The following CACNB2 variants were observed in gnomAD, a reference collection of about 807,000 sequenced individuals.
CACNB2 encodes voltage-dependent L-type calcium channel subunit beta-2.
CACNB2 carries 42 observed loss-of-function variants against 73.3 expected under a neutral mutation model. The observed-to-expected ratio is 0.57, with a 90% CI of 0.45 to 0.74. The LOEUF (loss-of-function observed/expected upper bound fraction) is 0.74. CACNB2 is among the 30% of genes least tolerant of loss of function. The pLI is 0.00. For synonymous variants in CACNB2, 348 were observed against 310.3 expected, an observed-to-expected ratio of 1.12 and a Z score of -1.28; for missense variants, 940 against 853.0, an observed-to-expected ratio of 1.10 and a Z score of -1.27.
chr10:18,417,014 A>C (rs1237628624), intron 3 of CACNB2, among the ~76,000 whole-genome samples: 2 of 150,900 alleles, frequency 1.3e-5, no homozygotes, highest in African/African-American at 2.4e-5. Context: ...ACACAGGCTT[A>C]TGAAAGCAGA....
At chr10:18,243,610 C>A (rs1260960979) in intron 2 of CACNB2, among the ~76,000 whole-genome samples, 2 of 152,138 alleles carry the variant, frequency 1.3e-5, no homozygotes, top group East Asian at 3.9e-4. Flanking sequence ...AGATTAATGC[C>A]CTTCCTCGGG....
chr10:18,424,841 G>A (rs1343376195), intron 3 of CACNB2, among the ~76,000 whole-genome samples: 2 of 152,116 alleles, frequency 1.3e-5, no homozygotes, highest in Admixed American at 6.5e-5. Context: ...CTTCCAGTAG[G>A]GGATGTGGCA....
intron 3 of CACNB2, among the ~76,000 whole-genome samples, chr10:18,469,068 C>A (rs908279798): frequency 2.6e-5 from 4 of 152,032 alleles, no homozygotes; most frequent in Admixed American, 6.6e-5. Context: ...GGCAACAAAG[C>A]GAGACCCTGT....
At chr10:18,491,915 T>C (rs1405089227) in intron 3 of CACNB2, among the ~76,000 whole-genome samples, 1 of 150,134 alleles carries the variant, frequency 6.7e-6, no homozygotes, top group African/African-American at 2.4e-5. Flanking sequence ...CATTCTTGCA[T>C]TGTTACACTG....
chr10:18,184,274 G>A (rs1262010713), intron 2 of CACNB2, among the ~76,000 whole-genome samples: 3 of 152,110 alleles, frequency 2.0e-5, no homozygotes, highest in Non-Finnish European at 4.4e-5. Context: ...CTATTTCTGA[G>A]GCATCATGGT....
chr10:18,307,334 C>T (rs1193340979), intron 2 of CACNB2, among the ~76,000 whole-genome samples: 7 of 152,088 alleles, frequency 4.6e-5, no homozygotes, highest in African/African-American at 1.2e-4. Context: ...TGGTGGCACA[C>T]GCCTGTAGTC....
intron 3 of CACNB2, among the ~76,000 whole-genome samples, chr10:18,448,476 A>AT (rs34658466): frequency 0.22 from 13,307 of 60,154 alleles, 816 homozygotes; most frequent in Admixed American, 0.33. Context: ...ACTCTCTCTC[A>AT]TTTAAAAAAA....
intron 2 of CACNB2, among the ~76,000 whole-genome samples, chr10:18,375,622 G>T (rs2042766819): frequency 6.6e-6 from 1 of 152,124 alleles, no homozygotes. Flanking sequence ...ATTTTTCTAG[G>T]ACCCTTATTG....
At chr10:18,389,025 A>G (rs1397120669) in intron 2 of CACNB2, among the ~76,000 whole-genome samples, 4 of 152,254 alleles carry the variant, frequency 2.6e-5, no homozygotes, top group Non-Finnish European at 5.9e-5. Context: ...GAGAAATTTC[A>G]ATTGCAATAG....
In CACNB2 at chr10:18,543,317, G is replaced by A. The variant is rs533117516; in HGVS notation, c.*3593G>A. ...TGATTAAAAAAAAAGATACCTCCAC[G>A]TAGATAAAATATTTTATTCAACGTG... On this transcript the variant is annotated 3_prime_UTR_variant, in exon 14 of 14. Coordinates refer to ENST00000324631, the MANE Select transcript of CACNB2 (RefSeq NM_201596.3). 6.6e-6 allele frequency: 1 copy of A among 151,864 alleles called. No individual in the cohort carries two copies. The highest frequency in any genetic ancestry group is 2.4e-5 in the African/African-American group (1 of 41,338). The allele number at this position is 151,864 out of a possible 1,614,324, so 9.4% of individuals were successfully genotyped here. A position where few individuals can be genotyped will look rare whatever the true frequency, so the allele number is the denominator to read the frequency against.
At chr10:18,173,873 T>A (rs1007638421) in intron 2 of CACNB2, among the ~76,000 whole-genome samples, 1 of 152,216 alleles carries the variant, frequency 6.6e-6, no homozygotes, top group Admixed American at 6.5e-5. Flanking sequence ...ATTTTACGTT[T>A]CTATAAAAGT....
chr10:18,392,898 T>C (rs941018890), intron 2 of CACNB2, among the ~76,000 whole-genome samples: 13 of 152,128 alleles, frequency 8.5e-5, no homozygotes, highest in Non-Finnish European at 1.2e-4. Flanking sequence ...TATAAAAAAT[T>C]ATATTAGCAT....
At chr10:18,171,599 A>C (rs1341290318) in intron 2 of CACNB2, among the ~76,000 whole-genome samples, 2 of 149,680 alleles carry the variant, frequency 1.3e-5, no homozygotes, top group Non-Finnish European at 3.0e-5. Flanking sequence ...AAAAAAAAAA[A>C]AAAAGGAAGG....
chr10:18,524,448 G>A (rs1476402470), intron 9 of CACNB2, among the ~76,000 whole-genome samples: 1 of 151,074 alleles, frequency 6.6e-6, no homozygotes, highest in African/African-American at 2.4e-5. Flanking sequence ...TTGAGGCCAG[G>A]AGTTTGAGAC....
At chr10:18,382,809 T>C (rs1273505269) in intron 2 of CACNB2, among the ~76,000 whole-genome samples, 3 of 152,208 alleles carry the variant, frequency 2.0e-5, no homozygotes, top group Non-Finnish European at 2.9e-5. Context: ...TTTGGGTTGA[T>C]TCCATGTCTC....
chr10:18,527,683 C>A lies in CACNB2; in HGVS notation c.1040C>A (p.Thr347Lys). Residue 347 changes from threonine to lysine, a missense_variant, in exon 10 of 14, where the codon ACA becomes AAA. By Grantham distance (78) the Thr-to-Lys change is moderately conservative (BLOSUM62 -1). Transcript: ENST00000324631. ...CACGCAATAATAGAAAGATCCAACA[C>A]AAGGTCAAGCTTAGGTAAGTCTGTG... ...SKHAIIERSN[T>K]RSSLAEVQSE... 6.2e-7 allele frequency: 1 copy of A among 1,610,468 alleles called. No individual in the cohort carries two copies. The highest frequency in any genetic ancestry group is 8.5e-7 in the Non-Finnish European group (1 of 1,177,024).
intron 3 of CACNB2, among the ~76,000 whole-genome samples, chr10:18,438,183 A>ATT (rs372226267): frequency 0.39 from 36,413 of 93,854 alleles, 8,733 homozygotes; most frequent in Non-Finnish European, 0.44. Flanking sequence ...ACACCTGGCG[A>ATT]TTTTTTTTTT....
Position 18,406,928 on chromosome 10 carries a change from C to T in CACNB2, c.333+4885C>T, listed in dbSNP as rs144334161. Among the ~76,000 whole-genome samples the T allele has an allele frequency of 6.1e-4, 92 of 151,940 alleles. 1 individual carries two copies. The East Asian group carries it at 0.016, about 27-fold the overall frequency. Reference sequence around the variant, plus strand: ...TACAGTGTATGCGACGGTCAGTGTACGTAAAGGCTGTGCAGCAAGAAAACA... The same window carrying T: ...TACAGTGTATGCGACGGTCAGTGTATGTAAAGGCTGTGCAGCAAGAAAACA... On this transcript the variant is annotated intron_variant, in intron 3 of 13. Coordinates refer to ENST00000324631, the MANE Select transcript of CACNB2 (RefSeq NM_201596.3).
At chr10:18,255,757 T>C (rs1364588374) in intron 2 of CACNB2, among the ~76,000 whole-genome samples, 1 of 152,220 alleles carries the variant, frequency 6.6e-6, no homozygotes, top group Non-Finnish European at 1.5e-5. Context: ...CTAATGAGTA[T>C]TTAAGCAGGT....
Sources: gnomAD v4.1 joint callset for allele counts (sites outside exome capture counted in the v4.1 genomes callset) on GRCh38, gnomAD v4.1.1 for gene constraint, MANE v1.5 for transcripts, NCBI Gene and HGNC (gene_info 2026-07-23, HGNC 2026-07-21) for gene names.